Variants in ST6GALNAC6 observed in about 807,000 individuals in gnomAD.
The protein encoded by ST6GALNAC6 is ST6 N-acetylgalactosaminide alpha-2,6-sialyltransferase 6.
In ST6GALNAC6, 19 loss-of-function variants were observed where a neutral mutation model predicts 34.3. The ratio of observed to expected loss-of-function variants is 0.55; its 90% CI spans 0.39 to 0.81. The LOEUF is 0.81. Among genes scored for constraint, ST6GALNAC6 ranks in the 40% least tolerant of loss-of-function variants. ST6GALNAC6 has a pLI of 0.00. For missense variants in ST6GALNAC6, 377 were observed against 467.7 expected (o/e 0.81, Z 1.79); for synonymous variants, 185 against 182.1 (o/e 1.02, Z -0.13).
intron 2 of ST6GALNAC6, chr9:127,897,038 G>C: frequency 2.2e-6 from 2 of 891,910 alleles, no homozygotes; most frequent in Non-Finnish European, 2.7e-6. Context: ...GTCTCTGCCA[G>C]GGCTGACTCC....
chr9:127,886,768 C>T lies in ST6GALNAC6; in HGVS notation c.833G>A (p.Arg278His), dbSNP rs201240525. The T allele has an allele frequency of 9.4e-5, 151 of 1,609,294 alleles. No individual in the cohort carries two copies. The highest frequency in any genetic ancestry group is 1.2e-4 in the Non-Finnish European group (145 of 1,177,266). Residue 278 changes from arginine (R) to histidine (H), a missense_variant, in exon 7 of 7, where the codon CGC (arginine) becomes CAC (histidine). By Grantham distance (29) the Arg-to-His change is conservative. Transcript: ENST00000373146. ...GGGCTCGTAGTAGTGGTAGGGCATG[C>T]GCTGGAGGCGGGGCCGCTGGCTGGG... ...NYCSQRPRLQ[R>H]MPYHYYEPKG...
At chr9:127,903,589 G>A (rs1298034307), upstream of ST6GALNAC6, 1 of 152,240 alleles carries the variant, frequency 6.6e-6, no homozygotes, top group Non-Finnish European at 1.5e-5. Context: ...GCAGGGAGGG[G>A]GTGGCCCGCA....
At chr9:127,899,439 CTCCG>C in intron 1 of ST6GALNAC6, 60 bp downstream of exon 1, 6 of 800,410 alleles carry the variant, frequency 7.5e-6, no homozygotes, top group Non-Finnish European at 7.6e-6. Flanking sequence ...TCCCGGCGCC[CTCCG>C]CCCCAGCCCC....
At chr9:127,901,827 G>A (rs977599777), upstream of ST6GALNAC6, among the ~76,000 whole-genome samples, 6 of 151,792 alleles carry the variant, frequency 4.0e-5, no homozygotes, top group Non-Finnish European at 7.4e-5. Flanking sequence ...TAGCTACCCT[G>A]GAGGTTGAGG....
upstream of ST6GALNAC6, among the ~76,000 whole-genome samples, chr9:127,905,666 G>T (rs1259768668): frequency 1.3e-5 from 2 of 152,204 alleles, no homozygotes; most frequent in African/African-American, 2.4e-5. Flanking sequence ...GCCCAGGGCA[G>T]ATGAACCCCA....
At chr9:127,896,628 C>T (rs1267333330) in intron 2 of ST6GALNAC6, among the ~76,000 whole-genome samples, 1 of 152,202 alleles carries the variant, frequency 6.6e-6, no homozygotes, top group Non-Finnish European at 1.5e-5. Flanking sequence ...ACCTGACCTC[C>T]ACGCAGTAGG....
rs1416666803 is a variant in ST6GALNAC6 at position 127,891,037 on chromosome 9, G to C, written c.304C>G (p.Pro102Ala). 1 of 1,613,774 alleles carries C rather than the reference G, an allele frequency of 6.2e-7. No individual in the cohort carries two copies. The highest frequency in any genetic ancestry group is 1.3e-5 in the African/African-American group (1 of 75,040). ...YVPILGNKTL[P>A]SRCHQCVIVS... ...ATCACACACTGGTGGCACCGAGAGG[G>C]CAGTGTCTGGTGGATAAGGAAAGTC... Residue 102 changes from proline (P) to alanine (A), a missense_variant, in exon 5 of 7, where the codon CCC becomes GCC. Transcript: ENST00000373146.
At chr9:127,887,221 T>C (rs1829826954) in intron 6 of ST6GALNAC6, among the ~76,000 whole-genome samples, 1 of 152,120 alleles carries the variant, frequency 6.6e-6, no homozygotes, top group South Asian at 2.1e-4. Flanking sequence ...TGGTCAGTAT[T>C]CAGTAAAGTA....
upstream of ST6GALNAC6, chr9:127,903,733 G>T (rs561683069): frequency 2.6e-5 from 4 of 152,230 alleles, no homozygotes; most frequent in Non-Finnish European, 4.4e-5. Flanking sequence ...ACCATGGAGT[G>T]GGGGCAGGGC....
rs76437205 is a variant in ST6GALNAC6, at chr9:127,890,146, G to A, written c.704+491C>T. 0.046 allele frequency among the ~76,000 whole-genome samples: 6,983 copies of A among 152,298 alleles called. 243 individuals are homozygous for A. Among genetic ancestry groups the A allele is most frequent in the African/African-American group, 0.097 (4,014 of 41,554 alleles). On this transcript the variant is annotated intron_variant, in intron 5 of 6. Transcript: ENST00000373146. This position sits in a 1 kb window ranked among gnomAD's most constrained non-coding sequence, Gnocchi z 4.3. The stretch of plus-strand genomic sequence containing the variant: ...ACTATGAAAATAAATGACATATGTG[G>A]CTCACATAGATTTCTATTGGGCAGC...
intron 6 of ST6GALNAC6, 121 bp from the exon 7 acceptor site, chr9:127,886,909 C>G: frequency 1.0e-6 from 1 of 1,001,850 alleles, no homozygotes; most frequent in Non-Finnish European, 1.4e-6. Flanking sequence ...CCTGGGGCCT[C>G]GGTTTCCCCA....
chr9:127,897,077 C>G (rs1830505288), intron 2 of ST6GALNAC6: 1 of 877,120 alleles, frequency 1.1e-6, no homozygotes, highest in Admixed American at 6.2e-5. Context: ...TAATCACAGT[C>G]TCAGGGGGTG....
chr9:127,893,512 C>T (rs1031548460), intron 4 of ST6GALNAC6, among the ~76,000 whole-genome samples: 2 of 152,190 alleles, frequency 1.3e-5, no homozygotes, highest in Admixed American at 6.5e-5. Flanking sequence ...AAATACCACC[C>T]TCCCCAAGGC....
Position 127,896,276 on chromosome 9 carries a change from A to G in ST6GALNAC6, c.83T>C (p.Leu28Pro). Residue 28 changes from leucine (L) to proline (P), a missense_variant, in exon 3 of 7, where the codon CTC (leucine) becomes CCC (proline). Physicochemically the swap from Leu to Pro is moderately conservative, Grantham distance 98 (BLOSUM62 -3). Transcript: ENST00000373146. ...ACTCATTTCTCTCCGGCGTCTGCTG[A>G]GGGGTAGGTGTCGGCGTCCTGCAGG... ...GPPAGRRHLP[L>P]SRRRREMSSN... is the part of the protein sequence containing the mutation. The G allele has an allele frequency of 5.0e-6, 8 of 1,614,076 alleles. No individual in the cohort carries two copies. The highest frequency in any genetic ancestry group is 6.8e-6 in the Non-Finnish European group (8 of 1,179,988).
At chr9:127,900,991 C>CAAAAAAAAAAAAAAAAAAAAAAA (rs56673204), upstream of ST6GALNAC6, among the ~76,000 whole-genome samples, 3 of 61,006 alleles carry the variant, frequency 4.9e-5, no homozygotes, top group East Asian at 6.1e-4. Context: ...AACTCCCTAT[C>CAAAAAAAAAAAAAAAAAAAAAAA]AAAAAAAAAA....
At chr9:127,888,581 G>A (rs1477483557) in intron 5 of ST6GALNAC6, among the ~76,000 whole-genome samples, 1 of 151,488 alleles carries the variant, frequency 6.6e-6, no homozygotes, top group African/African-American at 2.4e-5. Flanking sequence ...GGCCAAGGCG[G>A]GCAGATCACG....
In ST6GALNAC6 at chr9:127,899,587, C is replaced by T. The variant is rs1830674618; in HGVS notation, c.-114G>A. Reference sequence around the variant, plus strand: ...GCCGAGCGCCGGGGTCCGCGCTCCTCAGGCCGCCCAGGCCTCGCCGCACCC... The same window carrying T: ...GCCGAGCGCCGGGGTCCGCGCTCCTTAGGCCGCCCAGGCCTCGCCGCACCC... On this transcript the variant is annotated 5_prime_UTR_variant, in exon 1 of 7. Transcript: ENST00000373146. 2.0e-6 allele frequency: 2 copies of T among 981,452 alleles called. No homozygotes were observed. Among genetic ancestry groups the T allele is most frequent in the Non-Finnish European group, 2.4e-6 (2 of 828,466 alleles). 60.8% of individuals were successfully genotyped at this position (981,452 alleles called of 1,614,324 possible). A position where few individuals can be genotyped will look rare whatever the true frequency, so the allele number is the denominator to read the frequency against.
chr9:127,896,120 G>C, intron 3 of ST6GALNAC6, 122 bp downstream of exon 3: 1 of 1,170,898 alleles, frequency 8.5e-7, no homozygotes, highest in Non-Finnish European at 1.3e-6. Context: ...CCCAGGCATG[G>C]GCAGCTTCTT....
intron 4 of ST6GALNAC6, among the ~76,000 whole-genome samples, chr9:127,892,102 G>A: frequency 6.6e-6 from 1 of 152,160 alleles, no homozygotes; most frequent in Non-Finnish European, 1.5e-5. Context: ...GGTGACCCGA[G>A]ATCGAGCCAT....
Sources: allele counts gnomAD v4.1 joint callset (sites outside exome capture counted in the v4.1 genomes callset), GRCh38; gene constraint gnomAD v4.1.1; non-coding constraint Gnocchi (gnomAD v3.1); transcripts MANE v1.5; gene names NCBI Gene and HGNC (gene_info 2026-07-23, HGNC 2026-07-21).